The following NFAT5 variants were observed in gnomAD, a reference collection of about 807,000 sequenced individuals.
NFAT5 encodes nuclear factor of activated T cells 5, also known as nuclear factor of activated T-cells 5.
NFAT5 carries 31 observed loss-of-function variants against 166.5 expected under a neutral mutation model. The observed-to-expected ratio is 0.19, with a 90% CI of 0.14 to 0.25. The LOEUF is 0.25. Ranked by LOEUF, NFAT5 falls within the 10% of genes least tolerant of loss-of-function variation. NFAT5 has a pLI of 1.00. For synonymous variants in NFAT5, 612 were observed against 639.7 expected (o/e 0.96, Z 0.65); for missense variants, 1,449 against 1,821.8 (o/e 0.80, Z 3.72).
At chr16:69,582,661 T>C (rs1236260377) in intron 2 of NFAT5, among the ~76,000 whole-genome samples, 2 of 151,004 alleles carry the variant, frequency 1.3e-5, no homozygotes, top group East Asian at 3.9e-4. Flanking sequence ...AAAAATTAAT[T>C]GGGCATAGAT....
intron 2 of NFAT5, among the ~76,000 whole-genome samples, chr16:69,617,313 G>A (rs1450808391): frequency 6.6e-6 from 1 of 151,988 alleles, no homozygotes; most frequent in Non-Finnish European, 1.5e-5. Flanking sequence ...AACCATAAAT[G>A]TTTTACTCAG....
At chr16:69,633,226 A>C (rs2034797913) in intron 3 of NFAT5, among the ~76,000 whole-genome samples, 1 of 152,196 alleles carries the variant, frequency 6.6e-6, no homozygotes, top group African/African-American at 2.4e-5. Flanking sequence ...GTTTCTAATA[A>C]ATAAGCATAT....
In NFAT5 at chr16:69,647,938, G is replaced by A. The variant is rs1224343791; in HGVS notation, c.812+352G>A. Among the ~76,000 whole-genome samples, 12 of 151,880 alleles carry A rather than the reference G, an allele frequency of 7.9e-5. No individual in the cohort carries two copies. Among genetic ancestry groups the A allele is most frequent in the Admixed American group, 6.6e-5 (1 of 15,252 alleles). On this transcript the variant is annotated intron_variant, in intron 4 of 14. Transcript: ENST00000349945. This position sits in a 1 kb window ranked among gnomAD's most constrained non-coding sequence, Gnocchi z 4.8. Reference sequence around the variant, plus strand: ...TGTAATCCCAGCACTTTGGGAGGCCGAGGCGGGCGGATCACCTGAGGTCAG... The same window carrying A: ...TGTAATCCCAGCACTTTGGGAGGCCAAGGCGGGCGGATCACCTGAGGTCAG...
chr16:69,585,910 G>A (rs2032029492), intron 2 of NFAT5, among the ~76,000 whole-genome samples: 1 of 152,162 alleles, frequency 6.6e-6, no homozygotes, highest in South Asian at 2.1e-4. Flanking sequence ...TTGGAGTAAT[G>A]AAAAAGTTCT....
Position 69,703,330 on chromosome 16 carries a change from C to T in NFAT5, c.*6979C>T, listed in dbSNP as rs2037929452. Reference sequence around the variant, plus strand: ...AAGCTATCAGTATAGATATAGCTATCCTTGGAGCTTATGTTTCAGACAAGA... The same window carrying T: ...AAGCTATCAGTATAGATATAGCTATTCTTGGAGCTTATGTTTCAGACAAGA... On this transcript the variant is annotated 3_prime_UTR_variant, in exon 15 of 15. Coordinates refer to ENST00000349945, the MANE Select transcript of NFAT5 (RefSeq NM_138713.4). 1.3e-5 allele frequency: 2 copies of T among 152,464 alleles called. No individual in the cohort carries two copies. The highest frequency in any genetic ancestry group is 4.8e-5 in the African/African-American group (2 of 41,356). The allele number at this position is 152,464 out of a possible 1,614,324, so 9.4% of individuals were successfully genotyped here.
intron 3 of NFAT5, among the ~76,000 whole-genome samples, chr16:69,639,578 G>A (rs2035115338): frequency 6.6e-6 from 1 of 152,038 alleles, no homozygotes; most frequent in Admixed American, 6.5e-5. Flanking sequence ...TAAAAAAATA[G>A]AGCCTCTAGG....
At chr16:69,592,084 T>TC (rs1361618876) in intron 2 of NFAT5, among the ~76,000 whole-genome samples, 2 of 148,158 alleles carry the variant, frequency 1.3e-5, no homozygotes, top group Non-Finnish European at 3.0e-5. Flanking sequence ...CTTTTTCTTT[T>TC]TTTTTTTTTT....
intron 2 of NFAT5, among the ~76,000 whole-genome samples, chr16:69,584,511 G>A (rs1167357047): frequency 6.6e-6 from 1 of 151,950 alleles, no homozygotes; most frequent in East Asian, 1.9e-4. Context: ...TGATTTTTTA[G>A]TAGAGACAGG....
At chr16:69,598,524 G>T (rs113955299) in intron 2 of NFAT5, among the ~76,000 whole-genome samples, 4 of 151,438 alleles carry the variant, frequency 2.6e-5, no homozygotes, top group African/African-American at 9.7e-5. Context: ...TAAAATAATT[G>T]TTTCATGATA....
Position 69,641,107 on chromosome 16 carries a change from G to A in NFAT5, c.254-5921G>A, listed in dbSNP as rs564288933. Reference sequence around the variant, plus strand: ...AGCCTGGCCAATACGGTGAAACCCCGTCTCTACTAAAAATACAAAAATTAG... The same window carrying A: ...AGCCTGGCCAATACGGTGAAACCCCATCTCTACTAAAAATACAAAAATTAG... On this transcript the variant is annotated intron_variant, in intron 3 of 14. Coordinates refer to ENST00000349945, the MANE Select transcript of NFAT5 (RefSeq NM_138713.4). Among the ~76,000 whole-genome samples, 212 of 150,906 alleles carry A rather than the reference G, an allele frequency of 1.4e-3. 1 individual carries two copies. The highest frequency in any genetic ancestry group is 2.6e-3 in the Non-Finnish European group (174 of 67,692).
chr16:69,580,996 TA>T (rs1178136745), intron 2 of NFAT5, among the ~76,000 whole-genome samples: 4 of 152,184 alleles, frequency 2.6e-5, no homozygotes, highest in African/African-American at 9.7e-5. Flanking sequence ...TTATATTTCT[TA>T]AAAAAATTGA....
chr16:69,637,443 T>G (rs2035015464), intron 3 of NFAT5, among the ~76,000 whole-genome samples: 1 of 150,766 alleles, frequency 6.6e-6, no homozygotes, highest in Admixed American at 6.6e-5. Flanking sequence ...ATGCTGCTGA[T>G]AAAGACATAC....
At chr16:69,630,567 T>G (rs960371008) in intron 3 of NFAT5, among the ~76,000 whole-genome samples, 1 of 152,236 alleles carries the variant, frequency 6.6e-6, no homozygotes, top group African/African-American at 2.4e-5. Context: ...TTTAAAAATA[T>G]AAACTTTCTG....
intron 2 of NFAT5, among the ~76,000 whole-genome samples, chr16:69,603,971 A>G (rs2151545128): frequency 6.6e-6 from 1 of 152,348 alleles, no homozygotes; most frequent in East Asian, 1.9e-4. Context: ...ATACTTAATT[A>G]TATAATTAAT....
intron 3 of NFAT5, among the ~76,000 whole-genome samples, chr16:69,634,036 G>GC (rs1053985984): frequency 1.9e-5 from 2 of 107,250 alleles, no homozygotes; most frequent in African/African-American, 6.6e-5. Context: ...CCAGCACTTT[G>GC]GGGGGCCGAG....
intron 2 of NFAT5, among the ~76,000 whole-genome samples, chr16:69,609,817 C>T (rs1281747546): frequency 1.2e-4 from 12 of 97,020 alleles, no homozygotes; most frequent in Admixed American, 3.9e-4. Context: ...CCTGTCTCTA[C>T]TGAAAAAAAA....
intron 2 of NFAT5, among the ~76,000 whole-genome samples, chr16:69,594,812 A>T (rs1394804459): frequency 6.6e-6 from 1 of 152,204 alleles, no homozygotes; most frequent in Non-Finnish European, 1.5e-5. Context: ...GTATTGACTC[A>T]CACAATCACA....
chr16:69,601,480 G>C (rs1229878460), intron 2 of NFAT5, among the ~76,000 whole-genome samples: 1 of 152,106 alleles, frequency 6.6e-6, no homozygotes, highest in Non-Finnish European at 1.5e-5. Flanking sequence ...TGATTCTCCA[G>C]CCTAGGCCTT....
chr16:69,658,483 C>CA lies in NFAT5; in HGVS notation c.1197-1228dup, dbSNP rs34050479. On this transcript the variant is annotated intron_variant, in intron 6 of 14. Coordinates refer to ENST00000349945, the MANE Select transcript of NFAT5 (RefSeq NM_138713.4). ...GGGCAACAAGAGCGAAACTCTGTCT[C>CA]AAAAAAAAAAAAAAAAGTTGAAAAC... Among the ~76,000 whole-genome samples the CA allele has an allele frequency of 4.5e-3, 431 of 96,374 alleles. 1 individual carries two copies. The highest frequency in any genetic ancestry group is 0.019 in the Middle Eastern group (3 of 158). 63.2% of individuals were successfully genotyped at this position (96,374 alleles called of 152,430 possible).
Sources: gnomAD v4.1 joint callset for allele counts (sites outside exome capture counted in the v4.1 genomes callset) on GRCh38, gnomAD v4.1.1 for gene constraint, Gnocchi (gnomAD v3.1) non-coding constraint, MANE v1.5 for transcripts, NCBI Gene and HGNC (gene_info 2026-07-23, HGNC 2026-07-21) for gene names.